Variants in VPS8 observed in about 807,000 individuals in gnomAD.
VPS8 encodes vacuolar protein sorting-associated protein 8 homolog.
VPS8 carries 129 observed loss-of-function variants against 216.4 expected under a neutral mutation model. That is an observed-to-expected ratio of 0.60 (90% CI 0.52 to 0.69). The LOEUF is 0.69. Ranked by LOEUF, VPS8 falls within the 30% of genes least tolerant of loss-of-function variation. The pLI is 0.00. For missense variants in VPS8, 1,531 were observed against 1,683.5 expected, an observed-to-expected ratio of 0.91 and a Z score of 1.59; for synonymous variants, 571 against 565.4, an observed-to-expected ratio of 1.01 and a Z score of -0.14.
In VPS8 at chr3:184,822,137, G is replaced by T. The variant is rs1374093155; in HGVS notation, c.-88-2408G>T. On this transcript the variant is annotated intron_variant, in intron 1 of 47. Coordinates refer to ENST00000625842, the MANE Select transcript of VPS8 (RefSeq NM_001009921.3). ...ACTCATAAAGTCCAGATTCAGACTT[G>T]ATTTATTTATTTTATTTTTTGGGGG... Among the ~76,000 whole-genome samples, 5 of 152,116 alleles carry T rather than the reference G, an allele frequency of 3.3e-5. No homozygotes were observed. The East Asian group carries it at 5.8e-4, about 18-fold the overall frequency.
intron 45 of VPS8, among the ~76,000 whole-genome samples, chr3:185,011,390 A>G (rs1755000543): frequency 1.3e-5 from 2 of 152,214 alleles, no homozygotes; most frequent in Non-Finnish European, 2.9e-5. Flanking sequence ...AATACCAAGT[A>G]TCATTCTTAC....
At chr3:184,916,480 C>T (rs1030317167) in intron 28 of VPS8, among the ~76,000 whole-genome samples, 7 of 151,858 alleles carry the variant, frequency 4.6e-5, no homozygotes, top group Admixed American at 4.6e-4. Flanking sequence ...AGCAAATTTC[C>T]CTAATAAGCC....
At chr3:185,011,559 C>T (rs1755020795) in intron 45 of VPS8, among the ~76,000 whole-genome samples, 1 of 152,218 alleles carries the variant, frequency 6.6e-6, no homozygotes, top group Non-Finnish European at 1.5e-5. Context: ...CAGAAAGCAG[C>T]ATCAGGTACT....
In VPS8 at chr3:185,018,837, C is replaced by T. The variant is rs554480557; in HGVS notation, c.4003-5499C>T. ...CTCTTCTAGCTTGCTGAATTCCTGCCTGAATAGAACTGAGAGTGGTCGCTC... is the reference window on the plus strand; with the variant it reads ...CTCTTCTAGCTTGCTGAATTCCTGCTTGAATAGAACTGAGAGTGGTCGCTC... On this transcript the variant is annotated intron_variant, in intron 45 of 47. Transcript: ENST00000625842. 3.3e-5 allele frequency among the ~76,000 whole-genome samples: 5 copies of T among 152,280 alleles called. No homozygotes were observed. In the South Asian group the frequency reaches 1.0e-3, roughly 32 times the overall value.
intron 1 of VPS8, among the ~76,000 whole-genome samples, chr3:184,819,899 A>T (rs1717182751): frequency 6.6e-6 from 1 of 152,196 alleles, no homozygotes; most frequent in Admixed American, 6.5e-5. Context: ...TAAAGAAAAG[A>T]TATTAAGATT....
chr3:185,035,324 A>G (rs1337225496), intron 46 of VPS8, among the ~76,000 whole-genome samples: 1 of 152,212 alleles, frequency 6.6e-6, no homozygotes, highest in Non-Finnish European at 1.5e-5. Context: ...ACTTCAGGCC[A>G]ATATCCCTGA....
intron 40 of VPS8, among the ~76,000 whole-genome samples, chr3:184,972,442 A>G (rs894423460): frequency 3.9e-5 from 6 of 152,232 alleles, no homozygotes; most frequent in Admixed American, 6.5e-5. Flanking sequence ...CTCAAGGGCT[A>G]CAGAGAAAGC....
chr3:185,012,174 C>A (rs1389710017), intron 45 of VPS8, among the ~76,000 whole-genome samples: 1 of 149,978 alleles, frequency 6.7e-6, no homozygotes, highest in Non-Finnish European at 1.5e-5. Flanking sequence ...GAAACAATAT[C>A]TAGAAGTCTA....
At chr3:184,896,294 ATTTCT>A (rs1372759609) in intron 23 of VPS8, among the ~76,000 whole-genome samples, 1 of 152,014 alleles carries the variant, frequency 6.6e-6, no homozygotes, top group Non-Finnish European at 1.5e-5. Flanking sequence ...AAAAAATTTA[ATTTCT>A]TCTATTTATA....
intron 45 of VPS8, among the ~76,000 whole-genome samples, chr3:185,007,299 A>T (rs1191389833): frequency 6.6e-6 from 1 of 152,208 alleles, no homozygotes; most frequent in African/African-American, 2.4e-5. Flanking sequence ...TTTCAGCTGA[A>T]GTACTCAACA....
chr3:184,912,646 G>A (rs1736775592), intron 25 of VPS8, among the ~76,000 whole-genome samples: 1 of 152,178 alleles, frequency 6.6e-6, no homozygotes, highest in African/African-American at 2.4e-5. Context: ...TGTGTCATAC[G>A]AGTTGATGTG....
At chr3:184,924,747 A>G in intron 29 of VPS8, 115 bp from the exon 30 acceptor site, 1 of 1,326,540 alleles carries the variant, frequency 7.5e-7, no homozygotes, top group African/African-American at 1.5e-5. Context: ...CAGTCAATAA[A>G]AGAATCTTTT....
At chr3:184,962,260 T>TTATTCA (rs1245980236) in intron 37 of VPS8, among the ~76,000 whole-genome samples, 6 of 152,230 alleles carry the variant, frequency 3.9e-5, no homozygotes, top group Admixed American at 2.0e-4. Context: ...TGTGCCCATA[T>TTATTCA]GAGGGTTCTC....
At chr3:185,012,274 A>G (rs1755122945) in intron 45 of VPS8, among the ~76,000 whole-genome samples, 1 of 147,928 alleles carries the variant, frequency 6.8e-6, no homozygotes. Flanking sequence ...TATATAATGT[A>G]CATATATCTA....
intron 8 of VPS8, among the ~76,000 whole-genome samples, chr3:184,848,289 G>A (rs1407125377): frequency 2.6e-5 from 4 of 152,178 alleles, no homozygotes; most frequent in South Asian, 2.1e-4. Flanking sequence ...AATTTGCACC[G>A]TTAATTAGCT....
chr3:184,993,119 A>G (rs1366688675), intron 42 of VPS8, among the ~76,000 whole-genome samples: 1 of 152,158 alleles, frequency 6.6e-6, no homozygotes, highest in Non-Finnish European at 1.5e-5. Context: ...AAAAAAAGAA[A>G]TATTTGCTGG....
At chr3:184,832,565 G>T in intron 3 of VPS8, 124 bp from the exon 4 acceptor site, 1 of 749,188 alleles carries the variant, frequency 1.3e-6, no homozygotes, top group African/African-American at 1.8e-5. Context: ...CAATAAGAAT[G>T]CATGGAATAG....
chr3:184,925,849 C>G, intron 30 of VPS8, among the ~76,000 whole-genome samples: 1 of 149,096 alleles, frequency 6.7e-6, no homozygotes, highest in East Asian at 2.0e-4. Context: ...TCTTGGCTCA[C>G]TGCAACCTTG....
intron 29 of VPS8, 131 bp from the exon 30 acceptor site, chr3:184,924,731 G>A: frequency 8.5e-7 from 1 of 1,181,906 alleles, no homozygotes; most frequent in South Asian, 1.7e-5. Flanking sequence ...GAATTCAATT[G>A]TTGCACAGTC....
Sources: gnomAD v4.1 joint callset for allele counts (sites outside exome capture counted in the v4.1 genomes callset) on GRCh38, gnomAD v4.1.1 for gene constraint, MANE v1.5 for transcripts, NCBI Gene and HGNC (gene_info 2026-07-23, HGNC 2026-07-21) for gene names.